The following KCNQ1 variants were observed in gnomAD, a reference collection of about 807,000 sequenced individuals.
KCNQ1 encodes potassium voltage-gated channel subfamily Q member 1, also known as potassium voltage-gated channel subfamily KQT member 1.
KCNQ1 carries 49 observed loss-of-function variants against 72.4 expected under a neutral mutation model. That is an observed-to-expected ratio of 0.68 (90% CI 0.54 to 0.86). KCNQ1 has a LOEUF of 0.86. KCNQ1 is among the 40% of genes least tolerant of loss of function. KCNQ1 has a pLI of 0.00. For missense variants in KCNQ1, 790 were observed against 945.1 expected, an observed-to-expected ratio of 0.84 and a Z score of 2.15; for synonymous variants, 450 against 412.6, an observed-to-expected ratio of 1.09 and a Z score of -1.10.
Position 2,471,102 on chromosome 11 carries a change from C to T in KCNQ1, c.386+25618C>T, listed in dbSNP as rs1261143166. Reference sequence around the variant, plus strand: ...CCTCCCTCCACAGCAGAGTTCTACCCGCCCTCACCACCCTGTATCAACTCA... The same window carrying T: ...CCTCCCTCCACAGCAGAGTTCTACCTGCCCTCACCACCCTGTATCAACTCA... On this transcript the variant is annotated intron_variant, in intron 1 of 15. Coordinates refer to ENST00000155840, the MANE Select transcript of KCNQ1 (RefSeq NM_000218.3). This position sits in a 1 kb window ranked among gnomAD's most constrained non-coding sequence, Gnocchi z 4.8. Among the ~76,000 whole-genome samples the T allele has an allele frequency of 1.3e-5, 2 of 152,032 alleles. No individual in the cohort carries two copies. The highest frequency in any genetic ancestry group is 4.8e-5 in the African/African-American group (2 of 41,386).
rs1845704332 is a variant in KCNQ1, at chr11:2,723,378, T to G, written c.1515-45466T>G. ...AAGCCCCTCCGTCTCAGAGCCTTGG[T>G]GTCCCCATCTGTAAAGTGGGATGTG... On this transcript the variant is annotated intron_variant, in intron 11 of 15. Coordinates refer to ENST00000155840, the MANE Select transcript of KCNQ1 (RefSeq NM_000218.3). This position sits in a 1 kb window ranked among gnomAD's most constrained non-coding sequence, Gnocchi z 4.2. Among the ~76,000 whole-genome samples the G allele has an allele frequency of 6.6e-6, 1 of 152,214 alleles. No homozygotes were observed. Among genetic ancestry groups the G allele is most frequent in the Non-Finnish European group, 1.5e-5 (1 of 68,014 alleles).
Position 2,550,584 on chromosome 11 carries a change from A to G in KCNQ1, c.478-20044A>G, listed in dbSNP as rs1847968747. On this transcript the variant is annotated intron_variant, in intron 2 of 15. Coordinates refer to ENST00000155840, the MANE Select transcript of KCNQ1 (RefSeq NM_000218.3). This position sits in a 1 kb window ranked among gnomAD's most constrained non-coding sequence, Gnocchi z 6.0. ...CAGGCAGGGTAGGGGAACAAATGCC[A>G]ACACGTGAGCTGAGTGACCGGAAGA... 6.6e-6 allele frequency among the ~76,000 whole-genome samples: 1 copy of G among 152,158 alleles called. No individual in the cohort carries two copies. The highest frequency in any genetic ancestry group is 2.1e-4 in the South Asian group (1 of 4,838).
intron 11 of KCNQ1, among the ~76,000 whole-genome samples, chr11:2,729,536 C>A (rs1299273376): frequency 6.6e-6 from 1 of 152,238 alleles, no homozygotes; most frequent in Non-Finnish European, 1.5e-5. Context: ...ATGGATTCAA[C>A]CAACTGTGGA....
chr11:2,605,108 C>G (rs185481015), intron 10 of KCNQ1, among the ~76,000 whole-genome samples: 1 of 152,026 alleles, frequency 6.6e-6, no homozygotes, highest in East Asian at 1.9e-4. Flanking sequence ...ATTTCTATTC[C>G]GATTTTTCAT....
rs1400818402 is a variant in KCNQ1, at chr11:2,483,425, C to T, written c.386+37941C>T. Among the ~76,000 whole-genome samples the T allele has an allele frequency of 6.6e-6, 1 of 152,168 alleles. No homozygotes were observed. Among genetic ancestry groups the T allele is most frequent in the Non-Finnish European group, 1.5e-5 (1 of 68,038 alleles). On this transcript the variant is annotated intron_variant, in intron 1 of 15. Transcript: ENST00000155840. This position sits in a 1 kb window ranked among gnomAD's most constrained non-coding sequence, Gnocchi z 6.1. ...CGGGGTGTATTGACCAAAACCGACA[C>T]CTGATACATTACCGTGAACTCAACT... is the stretch of plus-strand genomic sequence containing the variant.
rs1850576049 is a variant in KCNQ1, at chr11:2,690,836, C to A, written c.1514+28755C>A. The A allele has an allele frequency of 5.0e-6, 2 of 398,502 alleles. No individual in the cohort carries two copies. The highest frequency in any genetic ancestry group is 2.1e-5 in the African/African-American group (1 of 48,586). 24.7% of individuals were successfully genotyped at this position (398,502 alleles called of 1,614,324 possible). On this transcript the variant is annotated intron_variant, in intron 11 of 15. Transcript: ENST00000155840. The surrounding 1 kb of genome is among the most constrained non-coding windows in gnomAD (Gnocchi z 5.1). Reference sequence around the variant, plus strand: ...TTCCAGCTTCCAGGCTCTGGCACTCCCACTGTTAGGAACAGGTACCTTTAG... The same window carrying A: ...TTCCAGCTTCCAGGCTCTGGCACTCACACTGTTAGGAACAGGTACCTTTAG...
chr11:2,632,140 G>A (rs971376502), intron 10 of KCNQ1: 10 of 374,928 alleles, frequency 2.7e-5, no homozygotes, highest in East Asian at 7.4e-5. Context: ...CCGAGATCGC[G>A]CCACTACACT....
At chr11:2,590,264 A>C (rs1848653572) in intron 10 of KCNQ1, among the ~76,000 whole-genome samples, 1 of 152,226 alleles carries the variant, frequency 6.6e-6, no homozygotes, top group South Asian at 2.1e-4. Flanking sequence ...CAAAGGTGCC[A>C]TCTGTGGCCC....
In KCNQ1 at chr11:2,484,000, T is replaced by C. The variant is rs1445775047; in HGVS notation, c.386+38516T>C. On this transcript the variant is annotated intron_variant, in intron 1 of 15. Transcript: ENST00000155840. This position sits in a 1 kb window ranked among gnomAD's most constrained non-coding sequence, Gnocchi z 6.1. ...TGCTTGCCAAATGGGGATTTGTTTA[T>C]TTCCCACTTTCTTTCTATGTTTGTT... Among the ~76,000 whole-genome samples, 1 of 152,222 alleles carries C rather than the reference T, an allele frequency of 6.6e-6. No homozygotes were observed. The highest frequency in any genetic ancestry group is 1.9e-4 in the East Asian group (1 of 5,196).
rs1472600103 is a variant in KCNQ1, at chr11:2,457,274, C to T, written c.386+11790C>T. On this transcript the variant is annotated intron_variant, in intron 1 of 15. Transcript: ENST00000155840. The surrounding 1 kb of genome is among the most constrained non-coding windows in gnomAD (Gnocchi z 5.0). ...AAGAACCAAGAGTTGAACTACCATT[C>T]GATCCAGCAGTCCCGTGTGCTGAGT... is the stretch of plus-strand genomic sequence containing the variant. Among the ~76,000 whole-genome samples the T allele has an allele frequency of 2.6e-5, 4 of 152,130 alleles. No homozygotes were observed. The highest frequency in any genetic ancestry group is 4.4e-5 in the Non-Finnish European group (3 of 68,026).
rs1850139012 is a variant in KCNQ1, at chr11:2,669,253, C to T, written c.1514+7172C>T. 7.5e-6 allele frequency: 3 copies of T among 398,582 alleles called. No homozygotes were observed. The highest frequency in any genetic ancestry group is 1.3e-4 in the South Asian group (1 of 7,864). The allele number at this position is 398,582 out of a possible 1,614,324, so 24.7% of individuals were successfully genotyped here. On this transcript the variant is annotated intron_variant, in intron 11 of 15. Coordinates refer to ENST00000155840, the MANE Select transcript of KCNQ1 (RefSeq NM_000218.3). The surrounding 1 kb of genome is among the most constrained non-coding windows in gnomAD (Gnocchi z 5.6). ...GCTGGCTCTGGCTGCTTCTCCTTCC[C>T]CATCACTGGCTTTGCTGTCTTTGCA...
intron 15 of KCNQ1, among the ~76,000 whole-genome samples, chr11:2,831,028 G>A (rs868361637): frequency 2.3e-4 from 35 of 152,186 alleles, no homozygotes; most frequent in Admixed American, 1.0e-3. Flanking sequence ...CCCAGCACCC[G>A]CCCAATGGGC....
intron 15 of KCNQ1, among the ~76,000 whole-genome samples, chr11:2,831,180 G>A (rs528015930): frequency 6.6e-6 from 1 of 152,336 alleles, no homozygotes; most frequent in South Asian, 2.1e-4. Context: ...CAGGTGCTCT[G>A]TGATCAGCAG....
In KCNQ1 at chr11:2,608,216, G is replaced by A; in HGVS notation, c.1393+19362G>A. On this transcript the variant is annotated intron_variant, in intron 10 of 15. Transcript: ENST00000155840. The surrounding 1 kb of genome is among the most constrained non-coding windows in gnomAD (Gnocchi z 4.6). ...AAGAATTGATATTCTTTAGATATTT[G>A]TTAGATTCACTCATCTGGCCCTCTT... The A allele has an allele frequency of 2.5e-6, 1 of 393,370 alleles. No individual in the cohort carries two copies. Among genetic ancestry groups the A allele is most frequent in the Non-Finnish European group, 4.5e-6 (1 of 223,402 alleles). 24.4% of individuals were successfully genotyped at this position (393,370 alleles called of 1,614,324 possible). A position where few individuals can be genotyped will look rare whatever the true frequency, so the allele number is the denominator to read the frequency against.
chr11:2,571,265 C>T, intron 3 of KCNQ1, 60 bp from the exon 4 acceptor site: 1 of 1,404,998 alleles, frequency 7.1e-7, no homozygotes, highest in Non-Finnish European at 1.0e-6. Context: ...GGTGTATGCT[C>T]TTCCCTGGGG....
chr11:2,476,135 C>T (rs1471494445), intron 1 of KCNQ1, among the ~76,000 whole-genome samples: 1 of 152,124 alleles, frequency 6.6e-6, no homozygotes, highest in Non-Finnish European at 1.5e-5. Context: ...ATATATCAAA[C>T]TTTGTAACTT....
Position 2,671,574 on chromosome 11 carries a change from G to C in KCNQ1, c.1514+9493G>C. On this transcript the variant is annotated intron_variant, in intron 11 of 15. Transcript: ENST00000155840. The surrounding 1 kb of genome is among the most constrained non-coding windows in gnomAD (Gnocchi z 4.7). ...TTATCTCCTAAGTCTTTGGCACTGA[G>C]CATTTATACAAGATCAGACTGCACT... 2.5e-6 allele frequency: 1 copy of C among 398,622 alleles called. No individual in the cohort carries two copies. Among genetic ancestry groups the C allele is most frequent in the East Asian group, 3.6e-5 (1 of 28,076 alleles). The allele number at this position is 398,622 out of a possible 1,614,324, so 24.7% of individuals were successfully genotyped here. A position where few individuals can be genotyped will look rare whatever the true frequency, so the allele number is the denominator to read the frequency against.
Position 2,494,161 on chromosome 11 carries a change from T to G in KCNQ1, c.387-33767T>G, listed in dbSNP as rs1846875148. ...TGGCTCTCTGCTTGTCTATTTTTGG[T>G]GTATAGGAATGCTTGTGAATTTTGC... On this transcript the variant is annotated intron_variant, in intron 1 of 15. Transcript: ENST00000155840. This position sits in a 1 kb window ranked among gnomAD's most constrained non-coding sequence, Gnocchi z 4.6. 6.6e-6 allele frequency among the ~76,000 whole-genome samples: 1 copy of G among 152,114 alleles called. No homozygotes were observed. The highest frequency in any genetic ancestry group is 6.6e-5 in the Admixed American group (1 of 15,260).
At chr11:2,539,633 G>A (rs1012027879) in intron 2 of KCNQ1, among the ~76,000 whole-genome samples, 18 of 152,210 alleles carry the variant, frequency 1.2e-4, no homozygotes, top group Admixed American at 7.8e-4. Context: ...AAGGGCGGCC[G>A]CGGCTTTCCA....
Sources: allele counts gnomAD v4.1 joint callset (sites outside exome capture counted in the v4.1 genomes callset), GRCh38; gene constraint gnomAD v4.1.1; non-coding constraint Gnocchi (gnomAD v3.1); transcripts MANE v1.5; gene names NCBI Gene and HGNC (gene_info 2026-07-23, HGNC 2026-07-21).